Variants in SIPA1L2 observed in about 807,000 individuals in gnomAD.
SIPA1L2 encodes the protein signal-induced proliferation-associated 1-like protein 2.
In SIPA1L2, 56 loss-of-function variants were observed where a neutral mutation model predicts 163.9. That is an observed-to-expected ratio of 0.34 (90% CI 0.28 to 0.43). SIPA1L2 has a LOEUF of 0.43. Among genes scored for constraint, SIPA1L2 ranks in the 20% least tolerant of loss-of-function variants. SIPA1L2 has a pLI of 1.00. For synonymous variants in SIPA1L2, 877 were observed against 865.7 expected, an observed-to-expected ratio of 1.01 and a Z score of -0.23; for missense variants, 1,974 against 2,193.5, an observed-to-expected ratio of 0.90 and a Z score of 2.00.
intron 3 of SIPA1L2, among the ~76,000 whole-genome samples, chr1:232,495,611 T>C (rs1197047647): frequency 6.6e-6 from 1 of 151,420 alleles, no homozygotes; most frequent in African/African-American, 2.4e-5. Flanking sequence ...ATATGGTATA[T>C]AGTCCTAGAC....
chr1:232,575,179 A>T (rs1018095428), intron 1 of SIPA1L2, among the ~76,000 whole-genome samples: 27 of 152,178 alleles, frequency 1.8e-4, no homozygotes, highest in African/African-American at 6.3e-4. Context: ...TTCAGACAAA[A>T]CTATATAAAC....
chr1:232,424,787 T>C (rs984278856), intron 18 of SIPA1L2, among the ~76,000 whole-genome samples: 1 of 152,174 alleles, frequency 6.6e-6, no homozygotes, highest in Non-Finnish European at 1.5e-5. Flanking sequence ...AAGTGTATTA[T>C]GAAGTTCGAA....
At chr1:232,484,546 CT>C (rs1161026868) in intron 5 of SIPA1L2, among the ~76,000 whole-genome samples, 1 of 152,136 alleles carries the variant, frequency 6.6e-6, no homozygotes, top group African/African-American at 2.4e-5. Flanking sequence ...AAAAAAGTAA[CT>C]CTGGCTTACG....
At chr1:232,490,364 C>A (rs1208188510) in intron 5 of SIPA1L2, among the ~76,000 whole-genome samples, 1 of 152,176 alleles carries the variant, frequency 6.6e-6, no homozygotes, top group African/African-American at 2.4e-5. Context: ...TACATTTACA[C>A]CTCTCCAAGA....
At chr1:232,551,866 T>G (rs1658405912) in intron 2 of SIPA1L2, among the ~76,000 whole-genome samples, 1 of 152,230 alleles carries the variant, frequency 6.6e-6, no homozygotes, top group Admixed American at 6.5e-5. Flanking sequence ...TGAGAAGAAG[T>G]CTCGCTCTTG....
intron 18 of SIPA1L2, among the ~76,000 whole-genome samples, chr1:232,422,073 T>C (rs912581036): frequency 6.6e-6 from 1 of 152,190 alleles, no homozygotes; most frequent in Non-Finnish European, 1.5e-5. Flanking sequence ...ACTGGTTATG[T>C]GGCCTGTGAA....
At chr1:232,519,761 T>C (rs1004128436) in intron 2 of SIPA1L2, among the ~76,000 whole-genome samples, 5 of 152,236 alleles carry the variant, frequency 3.3e-5, no homozygotes, top group African/African-American at 9.6e-5. Context: ...ATAAACTGGA[T>C]CCTCATTGTA....
At chr1:232,614,147 A>C (rs116727117) in intron 1 of SIPA1L2, among the ~76,000 whole-genome samples, 6 of 152,252 alleles carry the variant, frequency 3.9e-5, no homozygotes, top group African/African-American at 1.4e-4. Flanking sequence ...GCATAGGCTC[A>C]CACTCCACAC....
intron 1 of SIPA1L2, among the ~76,000 whole-genome samples, chr1:232,592,092 T>C (rs1191728154): frequency 1.3e-5 from 2 of 152,146 alleles, no homozygotes; most frequent in Middle Eastern, 3.4e-3. Context: ...GAATTATCCA[T>C]TGCCACTATT....
intron 1 of SIPA1L2, among the ~76,000 whole-genome samples, chr1:232,620,691 T>C (rs1251182103): frequency 1.3e-5 from 2 of 152,240 alleles, no homozygotes; most frequent in Admixed American, 6.5e-5. Context: ...ACTGCAATGA[T>C]TGCGTCAGAG....
intron 2 of SIPA1L2, among the ~76,000 whole-genome samples, chr1:232,543,202 C>T (rs1158720813): frequency 6.6e-6 from 1 of 152,220 alleles, no homozygotes; most frequent in Admixed American, 6.5e-5. Flanking sequence ...CCTTACTGTA[C>T]TTTCACCTAG....
chr1:232,549,267 C>T (rs1043333743), intron 2 of SIPA1L2, among the ~76,000 whole-genome samples: 3 of 152,202 alleles, frequency 2.0e-5, no homozygotes, highest in Non-Finnish European at 4.4e-5. Flanking sequence ...TGACACAGAA[C>T]CTTCCTCCTT....
intron 3 of SIPA1L2, among the ~76,000 whole-genome samples, chr1:232,512,400 A>G (rs1046956405): frequency 1.3e-5 from 2 of 152,176 alleles, no homozygotes; most frequent in African/African-American, 2.4e-5. Flanking sequence ...AAATCATTCT[A>G]CTATAAAGGC....
Position 232,460,908 on chromosome 1 carries a change from T to C in SIPA1L2, c.3074A>G (p.His1025Arg). ...VTVKVVIIQP[H>R]DDGSPRRGCS... ...TTACCTTCGGGGCGAGCCGTCATCATGGGGCTGGATGATGACCACCTTCAC... is the reference window on the plus strand; with the variant it reads ...TTACCTTCGGGGCGAGCCGTCATCACGGGGCTGGATGATGACCACCTTCAC... Residue 1025 changes from histidine to arginine, a missense_variant, in exon 10 of 23, where the codon CAT becomes CGT. His to Arg is a conservative substitution (Grantham distance 29, BLOSUM62 0). Transcript: ENST00000674635. 2 of 1,613,944 alleles carry C rather than the reference T, an allele frequency of 1.2e-6. No individual in the cohort carries two copies. The highest frequency in any genetic ancestry group is 1.7e-6 in the Non-Finnish European group (2 of 1,179,812).
intron 18 of SIPA1L2, among the ~76,000 whole-genome samples, chr1:232,422,007 A>G (rs1661604906): frequency 6.6e-6 from 1 of 152,138 alleles, no homozygotes; most frequent in Non-Finnish European, 1.5e-5. Flanking sequence ...TGCTGAATGA[A>G]CCCAGGTGTC....
chr1:232,529,909 C>G (rs1158014710), intron 2 of SIPA1L2, among the ~76,000 whole-genome samples: 1 of 152,188 alleles, frequency 6.6e-6, no homozygotes, highest in Non-Finnish European at 1.5e-5. Flanking sequence ...AATGATGTGT[C>G]ATCAGCAACC....
rs565552017 is a variant in SIPA1L2, at chr1:232,538,002, CATTT to C, written c.-269-22398_-269-22395del. ...GTGTAACCCTTTTTGTAATAAACAT[CATTT>C]ATTTAAGTTATCTGTGACAATCTCC... On this transcript the variant is annotated intron_variant, in intron 2 of 22. Coordinates refer to ENST00000674635, the MANE Select transcript of SIPA1L2 (RefSeq NM_020808.5). Among the ~76,000 whole-genome samples, 28 of 152,302 alleles carry C rather than the reference CATTT, an allele frequency of 1.8e-4. No homozygotes were observed. The South Asian group carries it at 4.1e-3, about 23-fold the overall frequency.
chr1:232,533,891 T>TA (rs1042780307), intron 2 of SIPA1L2, among the ~76,000 whole-genome samples: 4 of 152,122 alleles, frequency 2.6e-5, no homozygotes, highest in African/African-American at 7.2e-5. Flanking sequence ...GAATATATAT[T>TA]AAAAAATATT....
chr1:232,543,043 G>A (rs561371026), intron 2 of SIPA1L2, among the ~76,000 whole-genome samples: 42 of 152,232 alleles, frequency 2.8e-4, no homozygotes, highest in South Asian at 8.3e-4. Flanking sequence ...AAATTTGTGC[G>A]CCTTCATGAG....
Sources: gnomAD v4.1 joint callset for allele counts (sites outside exome capture counted in the v4.1 genomes callset) on GRCh38, gnomAD v4.1.1 for gene constraint, MANE v1.5 for transcripts, NCBI Gene and HGNC (gene_info 2026-07-23, HGNC 2026-07-21) for gene names.